Variants in ZNF277 observed in about 807,000 individuals in gnomAD.
ZNF277 encodes zinc finger protein 277.
ZNF277 carries 55 observed loss-of-function variants against 60.7 expected under a neutral mutation model. The observed-to-expected ratio is 0.91, with a 90% CI of 0.73 to 1.13. The LOEUF is 1.13. ZNF277 is among the 50% of genes most tolerant of loss of function. The pLI, the probability that ZNF277 is intolerant of heterozygous loss-of-function variation, is 0.00. For missense variants in ZNF277, 510 were observed against 523.0 expected, an observed-to-expected ratio of 0.98 and a Z score of 0.24; for synonymous variants, 178 against 179.3, an observed-to-expected ratio of 0.99 and a Z score of 0.06.
Position 112,302,606 on chromosome 7 carries a change from G to A in ZNF277, c.465+6295G>A, listed in dbSNP as rs569437555. Among the ~76,000 whole-genome samples, 19 of 152,160 alleles carry A rather than the reference G, an allele frequency of 1.2e-4. 1 individual carries two copies. Among genetic ancestry groups the A allele is most frequent in the African/African-American group, 4.6e-4 (19 of 41,538 alleles). ...GAGTAAGTTTAACCTTCAGATTGATGACTGCTTTCTTTGGGAAACAAATGG... is the reference window on the plus strand; with the variant it reads ...GAGTAAGTTTAACCTTCAGATTGATAACTGCTTTCTTTGGGAAACAAATGG... On this transcript the variant is annotated intron_variant, in intron 4 of 11. Coordinates refer to ENST00000361822, the MANE Select transcript of ZNF277 (RefSeq NM_021994.3).
At chr7:112,220,780 A>C (rs1420895759) in intron 1 of ZNF277, among the ~76,000 whole-genome samples, 2 of 152,152 alleles carry the variant, frequency 1.3e-5, no homozygotes, top group East Asian at 3.9e-4. Flanking sequence ...TAGTAAAGAG[A>C]GCTCACTAAA....
At chr7:112,262,090 T>A (rs1344801879) in intron 1 of ZNF277, among the ~76,000 whole-genome samples, 1 of 152,030 alleles carries the variant, frequency 6.6e-6, no homozygotes, top group East Asian at 1.9e-4. Context: ...TATTTTCTAT[T>A]TCTCTACAAT....
At chr7:112,318,072 A>T (rs963616399) in intron 4 of ZNF277, 110 bp from the exon 5 acceptor site, 14 of 800,370 alleles carry the variant, frequency 1.7e-5, no homozygotes, top group Non-Finnish European at 2.8e-5. Context: ...GGCAACTTTT[A>T]TATACTCCCT....
intron 1 of ZNF277, among the ~76,000 whole-genome samples, chr7:112,220,777 G>C (rs1267251023): frequency 6.6e-5 from 10 of 152,130 alleles, no homozygotes; most frequent in Admixed American, 6.5e-4. Flanking sequence ...AGGTAGTAAA[G>C]AGAGCTCACT....
chr7:112,341,051 G>C lies in ZNF277; in HGVS notation c.1184+5G>C. The C allele has an allele frequency of 1.3e-6, 2 of 1,574,766 alleles. No individual in the cohort carries two copies. The highest frequency in any genetic ancestry group is 2.7e-5 in the African/African-American group (2 of 73,478). On this transcript the variant is annotated splice_donor_5th_base_variant and intron_variant, in intron 11 of 11. Transcript: ENST00000361822. ...AAAGACGTGGGATCAACTGGAGTAC[G>C]TACTGCAAAACCAAATGTGCACTTC...
At chr7:112,313,665 C>G (rs1361193373) in intron 4 of ZNF277, among the ~76,000 whole-genome samples, 1 of 152,048 alleles carries the variant, frequency 6.6e-6, no homozygotes, top group Non-Finnish European at 1.5e-5. Context: ...TCATAATCAA[C>G]AGTAAATTTC....
At chr7:112,311,618 T>G (rs1171882885) in intron 4 of ZNF277, among the ~76,000 whole-genome samples, 1 of 151,890 alleles carries the variant, frequency 6.6e-6, no homozygotes. Context: ...TTATGGAGTG[T>G]CTCCTAATTT....
At chr7:112,213,488 T>C (rs1032312455) in intron 1 of ZNF277, among the ~76,000 whole-genome samples, 4 of 152,236 alleles carry the variant, frequency 2.6e-5, no homozygotes, top group Non-Finnish European at 5.9e-5. Context: ...ATAATAATGA[T>C]GATGTGTATG....
intron 5 of ZNF277, among the ~76,000 whole-genome samples, chr7:112,324,176 AACCT>A (rs1793048674): frequency 6.6e-6 from 1 of 152,202 alleles, no homozygotes; most frequent in South Asian, 2.1e-4. Context: ...TAATATACCT[AACCT>A]ACCTTAGGCA....
chr7:112,328,354 C>T (rs986524590), intron 6 of ZNF277: 1 of 152,156 alleles, frequency 6.6e-6, no homozygotes, highest in East Asian at 1.9e-4. Context: ...TATAATACTC[C>T]ATTTCCTCAA....
chr7:112,214,158 C>T (rs1301114486), intron 1 of ZNF277, among the ~76,000 whole-genome samples: 2 of 152,154 alleles, frequency 1.3e-5, no homozygotes, highest in Non-Finnish European at 2.9e-5. Context: ...TAGTGCTGCC[C>T]TTTACAATAC....
intron 4 of ZNF277, among the ~76,000 whole-genome samples, chr7:112,300,569 A>T (rs1374040760): frequency 6.6e-6 from 1 of 152,148 alleles, no homozygotes; most frequent in Non-Finnish European, 1.5e-5. Flanking sequence ...CTATGGCTTA[A>T]ATGTTAGTGC....
chr7:112,223,027 G>C (rs569215418), intron 1 of ZNF277, among the ~76,000 whole-genome samples: 1 of 152,324 alleles, frequency 6.6e-6, no homozygotes, highest in African/African-American at 2.4e-5. Context: ...TTGGAACTCG[G>C]ACTGGTTCTC....
At chr7:112,295,736 C>A in intron 2 of ZNF277, 133 bp from the exon 3 acceptor site, 1 of 628,380 alleles carries the variant, frequency 1.6e-6, no homozygotes, top group Non-Finnish European at 2.7e-6. Flanking sequence ...CAAAAAACTG[C>A]TAGAAAAGCA....
intron 1 of ZNF277, among the ~76,000 whole-genome samples, chr7:112,252,769 T>G (rs1354420152): frequency 6.6e-6 from 1 of 152,166 alleles, no homozygotes; most frequent in Non-Finnish European, 1.5e-5. Context: ...GGTGACAACA[T>G]ATGGTGAAAT....
intron 1 of ZNF277, among the ~76,000 whole-genome samples, chr7:112,248,082 G>A (rs1309828987): frequency 1.3e-5 from 2 of 152,170 alleles, no homozygotes; most frequent in Admixed American, 6.5e-5. Context: ...GGTAAATGAT[G>A]TAGAAGTTTA....
At chr7:112,286,407 G>A (rs1324948879) in intron 1 of ZNF277, among the ~76,000 whole-genome samples, 2 of 152,172 alleles carry the variant, frequency 1.3e-5, no homozygotes, top group Non-Finnish European at 2.9e-5. Flanking sequence ...TTGCAGATGC[G>A]ACAGGAAGCA....
intron 7 of ZNF277, among the ~76,000 whole-genome samples, chr7:112,330,862 G>T (rs1028905821): frequency 1.3e-5 from 2 of 152,072 alleles, no homozygotes; most frequent in African/African-American, 4.8e-5. Context: ...GGGATTATAG[G>T]AGTGAGCCAC....
At chr7:112,296,907 TATTTA>T (rs1563219673) in intron 4 of ZNF277, among the ~76,000 whole-genome samples, 35 of 65,118 alleles carry the variant, frequency 5.4e-4, no homozygotes, top group South Asian at 1.6e-3. Context: ...TTTATTTATT[TATTTA>T]TTTTTTTTTT....
Sources: gnomAD v4.1 joint callset for allele counts (sites outside exome capture counted in the v4.1 genomes callset) on GRCh38, gnomAD v4.1.1 for gene constraint, MANE v1.5 for transcripts, NCBI Gene and HGNC (gene_info 2026-07-23, HGNC 2026-07-21) for gene names.